Variants in FAM222A observed in about 807,000 individuals in gnomAD.
The protein encoded by FAM222A is family with sequence similarity 222 member A.
In FAM222A, 7 loss-of-function variants were observed where a neutral mutation model predicts 25.8. That is an observed-to-expected ratio of 0.27 (90% confidence interval 0.15 to 0.51). The LOEUF (loss-of-function observed/expected upper bound fraction) is 0.51. FAM222A is among the 20% of genes least tolerant of loss of function. The probability of loss-of-function intolerance (pLI) is 0.97; values close to 1 mark genes in which losing one functional copy is unlikely to be tolerated. For missense variants in FAM222A, 573 were observed against 640.5 expected, an observed-to-expected ratio of 0.89 and a Z score of 1.14; for synonymous variants, 294 against 298.8, an observed-to-expected ratio of 0.98 and a Z score of 0.17.
rs1312297411 is a variant in FAM222A at position 109,768,573 on chromosome 12, C to T, written c.644C>T (p.Ala215Val). 3 of 1,601,952 alleles carry T rather than the reference C, an allele frequency of 1.9e-6. No individual in the cohort carries two copies. Among genetic ancestry groups the T allele is most frequent in the East Asian group, 2.2e-5 (1 of 44,690 alleles). ...QLNQQCQAPG[A>V]APPACQGMAI... ...AACCAGCAGTGCCAGGCCCCGGGCGCCGCACCCCCTGCCTGCCAGGGCATG... is the reference window on the plus strand; with the variant it reads ...AACCAGCAGTGCCAGGCCCCGGGCGTCGCACCCCCTGCCTGCCAGGGCATG... The change falls in exon 3 of 3, where the codon GCC becomes GTC. Residue 215 changes from alanine (A) to valine (V), a missense_variant. Around this residue, in one of 3 missense-constraint regions of FAM222A, gnomAD observed 412 missense variants for 407.0 expected, o/e 1.01. Coordinates refer to ENST00000538780, the MANE Select transcript of FAM222A (RefSeq NM_032829.3).
intron 2 of FAM222A, among the ~76,000 whole-genome samples, chr12:109,747,284 G>A (rs1476289156): frequency 1.3e-4 from 20 of 152,082 alleles, no homozygotes; most frequent in African/African-American, 4.8e-4. Context: ...TAGTGGAGAC[G>A]GGGTTTCACC....
chr12:109,744,636 G>T, intron 2 of FAM222A: 1 of 985,450 alleles, frequency 1.0e-6, no homozygotes, highest in Non-Finnish European at 1.2e-6. Flanking sequence ...GTGGTCTTGG[G>T]TGTTTCCTTC....
chr12:109,760,855 TGGGCCAGG>T (rs1367461550), intron 2 of FAM222A, among the ~76,000 whole-genome samples: 2 of 152,170 alleles, frequency 1.3e-5, no homozygotes, highest in Non-Finnish European at 1.5e-5. Context: ...GAAGGAGACC[TGGGCCAGG>T]TGGCCAGGGC....
chr12:109,715,266 C>T (rs1017566954), intron 1 of FAM222A, among the ~76,000 whole-genome samples: 1 of 152,168 alleles, frequency 6.6e-6, no homozygotes, highest in African/African-American at 2.4e-5. Flanking sequence ...GAGGGTCTCC[C>T]GAGCAGCCTC....
Position 109,767,968 on chromosome 12 carries a change from G to GC in FAM222A, c.83-43dup, listed in dbSNP as rs769748852. 114 of 1,582,346 alleles carry GC rather than the reference G, an allele frequency of 7.2e-5. 1 individual carries two copies. In the African/African-American group the frequency reaches 1.4e-3, roughly 20 times the overall value. ...TCGTGAGCCCTGTGGGGAGAGGTTGGCATGGCCTCCTGATGGGCCCTCACA... is the reference window on the plus strand; with the variant it reads ...TCGTGAGCCCTGTGGGGAGAGGTTGGCCATGGCCTCCTGATGGGCCCTCACA... On this transcript the variant is annotated intron_variant, in intron 2 of 2. Coordinates refer to ENST00000538780, the MANE Select transcript of FAM222A (RefSeq NM_032829.3).
chr12:109,732,140 C>T (rs1336875063), intron 1 of FAM222A, among the ~76,000 whole-genome samples: 3 of 152,172 alleles, frequency 2.0e-5, no homozygotes, highest in Admixed American at 2.0e-4. Context: ...GGGCAAGGGC[C>T]GCTTTCAGTG....
rs926809062 is a variant in FAM222A, at chr12:109,715,822, C to T, written c.-47+925C>T. 4.6e-5 allele frequency among the ~76,000 whole-genome samples: 7 copies of T among 152,210 alleles called. No individual in the cohort carries two copies. The East Asian group carries it at 1.3e-3, about 29-fold the overall frequency. ...ACCTCCCTGAACCCCACCATGTACC[C>T]AGCTGGCAGGCTGAAGTTCCCAGGG... On this transcript the variant is annotated intron_variant, in intron 1 of 2. Coordinates refer to ENST00000538780, the MANE Select transcript of FAM222A (RefSeq NM_032829.3).
Position 109,714,219 on chromosome 12 carries a change from T to TGCCGCC in FAM222A, c.-719_-714dup, listed in dbSNP as rs984644287. On this transcript the variant is annotated 5_prime_UTR_variant, in exon 1 of 3. Coordinates refer to ENST00000538780, the MANE Select transcript of FAM222A (RefSeq NM_032829.3). The surrounding 1 kb of genome is among the most constrained non-coding windows in gnomAD (Gnocchi z 4.2). ...CGCCCGCTGCCGCCGCCGCCGCCGC[T>TGCCGCC]GCCGCCGCCGCTGTTCGCCGGCTTC... 2.7e-5 allele frequency: 5 copies of TGCCGCC among 184,556 alleles called. No individual in the cohort carries two copies. Among genetic ancestry groups the TGCCGCC allele is most frequent in the South Asian group, 6.1e-5 (1 of 16,502 alleles). 11.4% of individuals were successfully genotyped at this position (184,556 alleles called of 1,614,324 possible).
chr12:109,765,292 G>A (rs1232812277), intron 2 of FAM222A, among the ~76,000 whole-genome samples: 3 of 152,300 alleles, frequency 2.0e-5, no homozygotes, highest in South Asian at 2.1e-4. Flanking sequence ...TGACCCACCC[G>A]ATGCCAGTAG....
intron 2 of FAM222A, among the ~76,000 whole-genome samples, chr12:109,746,070 T>C (rs185790615): frequency 7.0e-4 from 107 of 152,352 alleles, no homozygotes; most frequent in African/African-American, 2.5e-3. Context: ...GTTTGGAAAG[T>C]GAGACTTATC....
intron 1 of FAM222A, among the ~76,000 whole-genome samples, chr12:109,730,722 A>G (rs1887931850): frequency 6.6e-6 from 1 of 152,162 alleles, no homozygotes. Flanking sequence ...GTGCTCAGGC[A>G]GGGTTGGTGA....
chr12:109,736,487 G>C (rs1888090237), intron 1 of FAM222A, among the ~76,000 whole-genome samples: 3 of 152,112 alleles, frequency 2.0e-5, no homozygotes, highest in Admixed American at 2.0e-4. Flanking sequence ...ATGTGAAGTC[G>C]GGGACAGACA....
chr12:109,717,934 G>A (rs1887674584), intron 1 of FAM222A, among the ~76,000 whole-genome samples: 1 of 152,200 alleles, frequency 6.6e-6, no homozygotes, highest in South Asian at 2.1e-4. Context: ...ATGGGCAGTG[G>A]CTCCTGATTA....
intron 1 of FAM222A, among the ~76,000 whole-genome samples, chr12:109,742,813 A>G (rs1289834816): frequency 2.6e-5 from 4 of 152,142 alleles, no homozygotes; most frequent in Non-Finnish European, 5.9e-5. Flanking sequence ...GGGAAATACA[A>G]GATTGGAATA....
At chr12:109,737,572 C>CA in intron 1 of FAM222A, among the ~76,000 whole-genome samples, 1 of 146,808 alleles carries the variant, frequency 6.8e-6, no homozygotes, top group Middle Eastern at 3.4e-3. Flanking sequence ...AGTACCTCCC[C>CA]AGCCCCCAAC....
At chr12:109,766,226 C>T (rs1372408540) in intron 2 of FAM222A, among the ~76,000 whole-genome samples, 1 of 152,192 alleles carries the variant, frequency 6.6e-6, no homozygotes, top group Non-Finnish European at 1.5e-5. Context: ...CATGGAACTC[C>T]ACCACCACCA....
intron 1 of FAM222A, among the ~76,000 whole-genome samples, chr12:109,725,606 C>G (rs1430023674): frequency 1.3e-5 from 2 of 152,014 alleles, no homozygotes; most frequent in Admixed American, 1.3e-4. Context: ...ATCCCCATTT[C>G]CTGGGACCCA....
rs755452651 is a variant in FAM222A at position 109,769,313 on chromosome 12, A to T, written c.*25A>T. 1.9e-6 allele frequency: 3 copies of T among 1,581,032 alleles called. No homozygotes were observed. Among genetic ancestry groups the T allele is most frequent in the Middle Eastern group, 1.7e-4 (1 of 5,982 alleles). ...AGGCCTGCCCTGCGGACATACGGAC[A>T]TGCGGACAGGGCGCAGAGCCGGGAG... On this transcript the variant is annotated 3_prime_UTR_variant, in exon 3 of 3. Coordinates refer to ENST00000538780, the MANE Select transcript of FAM222A (RefSeq NM_032829.3).
intron 2 of FAM222A, among the ~76,000 whole-genome samples, chr12:109,754,365 C>G (rs910231082): frequency 1.1e-4 from 16 of 151,748 alleles, no homozygotes; most frequent in African/African-American, 3.4e-4. Context: ...GAGACCCTGT[C>G]TCTAAAAAAA....
Sources: gnomAD v4.1 joint callset for allele counts (sites outside exome capture counted in the v4.1 genomes callset) on GRCh38, gnomAD v4.1.1 for gene constraint, gnomAD v4.1.1 regional missense constraint, Gnocchi (gnomAD v3.1) non-coding constraint, MANE v1.5 for transcripts, NCBI Gene and HGNC (gene_info 2026-07-23, HGNC 2026-07-21) for gene names.